CDH18: variants seen among roughly 807,000 people sequenced by gnomAD.
CDH18 encodes cadherin-18.
A neutral mutation model predicts 67.9 loss-of-function variants in CDH18; 31 were observed. The ratio of observed to expected loss-of-function variants is 0.46; its 90% CI spans 0.34 to 0.62. The LOEUF is 0.62. CDH18 is among the 20% of genes least tolerant of loss of function. The pLI is 0.01. For missense variants in CDH18, 890 were observed against 975.5 expected, an observed-to-expected ratio of 0.91 and a Z score of 1.17; for synonymous variants, 362 against 347.2, an observed-to-expected ratio of 1.04 and a Z score of -0.48.
chr5:19,938,338 A>G (rs1359100049), intron 2 of CDH18, among the ~76,000 whole-genome samples: 1 of 151,146 alleles, frequency 6.6e-6, no homozygotes, highest in Non-Finnish European at 1.5e-5. Context: ...TGACTGAAAC[A>G]ACAAGTTTAT....
At chr5:19,962,727 G>C (rs1000492688) in intron 2 of CDH18, among the ~76,000 whole-genome samples, 3 of 151,996 alleles carry the variant, frequency 2.0e-5, no homozygotes, top group Non-Finnish European at 4.4e-5. Flanking sequence ...AGTGAACCGA[G>C]ATTGCACCAC....
At chr5:19,811,446 G>C (rs1778733254) in intron 3 of CDH18, among the ~76,000 whole-genome samples, 3 of 151,966 alleles carry the variant, frequency 2.0e-5, no homozygotes, top group Admixed American at 2.0e-4. Context: ...GGCTGTCTAG[G>C]AGAGAGACCT....
chr5:19,961,494 T>C (rs1796905494), intron 2 of CDH18, among the ~76,000 whole-genome samples: 1 of 152,148 alleles, frequency 6.6e-6, no homozygotes, highest in African/African-American at 2.4e-5. Flanking sequence ...ACTGTATATA[T>C]GTTATTGGTC....
At chr5:20,083,031 C>T (rs1263349886) in intron 2 of CDH18, among the ~76,000 whole-genome samples, 4 of 152,210 alleles carry the variant, frequency 2.6e-5, no homozygotes, top group Non-Finnish European at 5.9e-5. Flanking sequence ...ACACGCTCCA[C>T]ATACCCTTTC....
upstream of CDH18, among the ~76,000 whole-genome samples, chr5:19,990,497 G>A (rs1011597001): frequency 2.6e-5 from 4 of 152,122 alleles, no homozygotes; most frequent in East Asian, 1.9e-4. Context: ...TCAGTGCAAC[G>A]ACATGCAGAG....
At chr5:20,515,525 G>A (rs989235391) in intron 1 of CDH18, among the ~76,000 whole-genome samples, 1 of 151,676 alleles carries the variant, frequency 6.6e-6, no homozygotes, top group East Asian at 1.9e-4. Flanking sequence ...ACCTAGATAC[G>A]CATTTGTCTG....
chr5:20,443,207 C>CTCAAAAAAAAAAG (rs1491460573), intron 1 of CDH18, among the ~76,000 whole-genome samples: 1 of 25,386 alleles, frequency 3.9e-5, no homozygotes, highest in African/African-American at 1.4e-4. Flanking sequence ...GAGACTCCGT[C>CTCAAAAAAAAAAG]ACAAAAAAAA....
intron 1 of CDH18, among the ~76,000 whole-genome samples, chr5:20,325,343 G>A (rs1580755182): frequency 6.6e-6 from 1 of 152,098 alleles, no homozygotes; most frequent in East Asian, 1.9e-4. Flanking sequence ...GCCTTTCCTA[G>A]TATATTGTAT....
chr5:19,727,099 C>A (rs1766942097), intron 4 of CDH18, among the ~76,000 whole-genome samples: 1 of 151,882 alleles, frequency 6.6e-6, no homozygotes, highest in Non-Finnish European at 1.5e-5. Flanking sequence ...GTTATGTGAG[C>A]CCAAATAAAC....
chr5:19,963,005 A>G (rs375178595), intron 2 of CDH18, among the ~76,000 whole-genome samples: 1 of 152,060 alleles, frequency 6.6e-6, no homozygotes, highest in Non-Finnish European at 1.5e-5. Flanking sequence ...GATTTTTTAA[A>G]TGTATTCTCT....
chr5:19,903,737 A>G (rs2150119885), intron 2 of CDH18, among the ~76,000 whole-genome samples: 1 of 150,682 alleles, frequency 6.6e-6, no homozygotes, highest in South Asian at 2.1e-4. Flanking sequence ...TGTCTCTGGG[A>G]AAAAAATAAA....
intron 1 of CDH18, among the ~76,000 whole-genome samples, chr5:20,340,579 G>C (rs1448583646): frequency 6.6e-6 from 1 of 152,190 alleles, no homozygotes; most frequent in Non-Finnish European, 1.5e-5. Flanking sequence ...GGAGGTTTAG[G>C]TCACTGGGTC....
At chr5:20,294,969 A>G (rs1406772169) in intron 1 of CDH18, among the ~76,000 whole-genome samples, 1 of 152,204 alleles carries the variant, frequency 6.6e-6, no homozygotes, top group Non-Finnish European at 1.5e-5. Flanking sequence ...TGAGCTATTC[A>G]GAGTGAACTT....
intron 2 of CDH18, among the ~76,000 whole-genome samples, chr5:20,112,427 G>A (rs1309138695): frequency 6.6e-6 from 1 of 152,138 alleles, no homozygotes; most frequent in Non-Finnish European, 1.5e-5. Context: ...CTATATGCCT[G>A]GCTGTTATCA....
chr5:19,873,966 T>A (rs1170663822), intron 2 of CDH18, among the ~76,000 whole-genome samples: 3 of 152,122 alleles, frequency 2.0e-5, no homozygotes, highest in African/African-American at 7.2e-5. Flanking sequence ...TCATTTTTGA[T>A]ACACAAAGCA....
At chr5:20,567,003 C>G (rs1316436275) in intron 1 of CDH18, among the ~76,000 whole-genome samples, 1 of 152,198 alleles carries the variant, frequency 6.6e-6, no homozygotes, top group Non-Finnish European at 1.5e-5. Flanking sequence ...AACCAATTCC[C>G]TGGACCCAAT....
intron 2 of CDH18, among the ~76,000 whole-genome samples, chr5:20,209,321 T>C (rs149736249): frequency 1.3e-5 from 2 of 152,204 alleles, no homozygotes; most frequent in African/African-American, 4.8e-5. Flanking sequence ...ATTGCAGCAC[T>C]ATACAAAATA....
intron 2 of CDH18, among the ~76,000 whole-genome samples, chr5:20,153,689 G>A (rs1447105219): frequency 6.6e-6 from 1 of 152,184 alleles, no homozygotes; most frequent in Non-Finnish European, 1.5e-5. Context: ...TGTCTTACAG[G>A]TGAATGTCTT....
At chr5:19,708,394 C>T (rs1764231391) in intron 5 of CDH18, among the ~76,000 whole-genome samples, 1 of 152,032 alleles carries the variant, frequency 6.6e-6, no homozygotes, top group Admixed American at 6.6e-5. Context: ...ATCGTGATTC[C>T]TGTGAGAAGT....
Sources: gnomAD v4.1 joint callset for allele counts (sites outside exome capture counted in the v4.1 genomes callset) on GRCh38, gnomAD v4.1.1 for gene constraint, MANE v1.5 for transcripts, NCBI Gene and HGNC (gene_info 2026-07-23, HGNC 2026-07-21) for gene names.